Variants in USP29 observed in about 807,000 individuals in gnomAD.
The protein encoded by USP29 is ubiquitin carboxyl-terminal hydrolase 29.
For missense variants in USP29, 1,102 were observed against 1,069.0 expected (o/e 1.03, Z -0.43); for synonymous variants, 386 against 387.4 (o/e 1.00, Z 0.04).
chr19:57,125,944 G>A lies in USP29; in HGVS notation c.-17+1805G>A, dbSNP rs140934386. Among the ~76,000 whole-genome samples the A allele has an allele frequency of 8.3e-3, 1,263 of 152,260 alleles. 10 individuals carry two copies. Among genetic ancestry groups the A allele is most frequent in the African/African-American group, 0.029 (1,210 of 41,560 alleles). Reference sequence around the variant, plus strand: ...TTTAGTGCTTCCTCCAGGAGCTCTTGTAAGGTAGGCCTGGTGGTGACAAAA... The same window carrying A: ...TTTAGTGCTTCCTCCAGGAGCTCTTATAAGGTAGGCCTGGTGGTGACAAAA... On this transcript the variant is annotated intron_variant, in intron 3 of 3. Transcript: ENST00000254181.
chr19:57,121,452 T>C (rs2086795910), intron 1 of USP29, among the ~76,000 whole-genome samples: 1 of 145,478 alleles, frequency 6.9e-6, no homozygotes, highest in Non-Finnish European at 1.5e-5. Context: ...TTATATATGT[T>C]ATATATACTT....
Position 57,131,393 on chromosome 19 carries a change from G to A in USP29, c.2718G>A (p.Gly906=). 1 of 1,614,066 alleles carries A rather than the reference G, an allele frequency of 6.2e-7. No individual in the cohort carries two copies. Among genetic ancestry groups the A allele is most frequent in the Non-Finnish European group, 8.5e-7 (1 of 1,180,010 alleles). Residue 906 remains glycine, a synonymous_variant, in exon 4 of 4, where the codon GGG becomes GGA. Transcript: ENST00000254181. ...CTCGGCTACCTAGCACACAGGCAGGGGTGATCCCTCAGGGGGAATACGAAG... is the reference window on the plus strand; with the variant it reads ...CTCGGCTACCTAGCACACAGGCAGGAGTGATCCCTCAGGGGGAATACGAAG... The part of the protein sequence containing the change: ...ENSRLPSTQA[G]VIPQGEYEGD...
Position 57,131,357 on chromosome 19 carries a change from AG to A in USP29, c.2683del (p.Ala895GlnfsTer13), listed in dbSNP as rs1287637116. 5 of 1,614,090 alleles carry A rather than the reference AG, an allele frequency of 3.1e-6. No homozygotes were observed. Among genetic ancestry groups the A allele is most frequent in the Non-Finnish European group, 4.2e-6 (5 of 1,180,052 alleles). On this transcript the variant is annotated frameshift_variant, in exon 4 of 4. Coordinates refer to ENST00000254181, the MANE Select transcript of USP29 (RefSeq NM_020903.3). LOFTEE classifies it low-confidence loss of function (END_TRUNC). ...NGIFEELLRK[A>X]ENSRLPSTQA... is the part of the protein sequence containing the mutation. ...GGATTTTTGAGGAGCTGTTAAGAAA[AG>A]CAGAGAACTCTCGGCTACCTAGCAC...
intron 3 of USP29, among the ~76,000 whole-genome samples, chr19:57,126,565 TG>T (rs1399751153): frequency 6.6e-6 from 1 of 151,986 alleles, no homozygotes; most frequent in Non-Finnish European, 1.5e-5. Context: ...TTGATACTTG[TG>T]TATGCTTCAC....
chr19:57,131,775 T>A lies in USP29; in HGVS notation c.*331T>A. 4.0e-6 allele frequency: 1 copy of A among 251,792 alleles called. No individual in the cohort carries two copies. The highest frequency in any genetic ancestry group is 8.1e-6 in the Non-Finnish European group (1 of 123,204). 15.6% of individuals were successfully genotyped at this position (251,792 alleles called of 1,614,324 possible). A position where few individuals can be genotyped will look rare whatever the true frequency, so the allele number is the denominator to read the frequency against. ...TTCTTGGGTCACTCTCTAGACCAAC[T>A]GATGCAGAAACAGGAGGTGTGAGCC... On this transcript the variant is annotated 3_prime_UTR_variant, in exon 4 of 4. Transcript: ENST00000254181.
Position 57,130,616 on chromosome 19 carries a change from G to A in USP29, c.1941G>A (p.Val647=), listed in dbSNP as rs780137813. 1.2e-5 allele frequency: 20 copies of A among 1,614,024 alleles called. No homozygotes were observed. Among genetic ancestry groups the A allele is most frequent in the Non-Finnish European group, 1.5e-5 (18 of 1,180,034 alleles). Reference sequence around the variant, plus strand: ...CAATCGGTGAAAAGGAGCTTCCAGTGGCTGACTCACTGATGGACCAGGGAG... The same window carrying A: ...CAATCGGTGAAAAGGAGCTTCCAGTAGCTGACTCACTGATGGACCAGGGAG... ...DRAIGEKELP[V]ADSLMDQGDI... The change falls in exon 4 of 4, where the codon GTG becomes GTA. Residue 647 remains valine (V), a synonymous_variant. Transcript: ENST00000254181.
intron 2 of USP29, 30 bp from the exon 3 acceptor site, chr19:57,124,009 C>T (rs149141058): frequency 6.6e-6 from 1 of 152,350 alleles, no homozygotes; most frequent in Non-Finnish European, 1.5e-5. Flanking sequence ...ACCTCAGTTT[C>T]AGGACTCTGA....
rs374765395 is a variant in USP29, at chr19:57,124,650, AG to A, written c.-17+513del. ...CAGCCTCCCCAGTATCTGGCACTAT[AG>A]GTGCCTGCCACCATGCCCGGCTAAT... On this transcript the variant is annotated intron_variant, in intron 3 of 3. Coordinates refer to ENST00000254181, the MANE Select transcript of USP29 (RefSeq NM_020903.3). Among the ~76,000 whole-genome samples the A allele has an allele frequency of 1.5e-3, 231 of 151,894 alleles. 1 individual carries two copies. The highest frequency in any genetic ancestry group is 5.2e-3 in the African/African-American group (214 of 41,466).
chr19:57,131,207 T>C lies in USP29; in HGVS notation c.2532T>C (p.Asp844=), dbSNP rs61757571. The C allele has an allele frequency of 7.0e-3, 11,228 of 1,614,200 alleles. 61 individuals carry two copies. Among genetic ancestry groups the C allele is most frequent in the Non-Finnish European group, 7.6e-3 (8,988 of 1,180,034 alleles). Residue 844 remains aspartate, a synonymous_variant, in exon 4 of 4, where the codon GAT becomes GAC. Transcript: ENST00000254181. ...SSPNSGHYIS[D]VYDFQKQAWF... ...CAAATTCAGGCCATTACATCAGCGATGTGTATGACTTTCAGAAGCAGGCCT... is the reference window on the plus strand; with the variant it reads ...CAAATTCAGGCCATTACATCAGCGACGTGTATGACTTTCAGAAGCAGGCCT...
chr19:57,120,803 A>AAAAAAAAAAAAAAAAAAAAG (rs2086791126), intron 1 of USP29, among the ~76,000 whole-genome samples: 4 of 148,266 alleles, frequency 2.7e-5, no homozygotes, highest in Non-Finnish European at 4.5e-5. Flanking sequence ...AAAAAAAAAA[A>AAAAAAAAAAAAAAAAAAAAG]AAAAAAAAAA....
rs1276941776 is a variant in USP29 at position 57,129,032 on chromosome 19, G to A, written c.357G>A (p.Val119=). 1.9e-6 allele frequency: 3 copies of A among 1,613,758 alleles called. No individual in the cohort carries two copies. In the African/African-American group the frequency reaches 4.0e-5, roughly 22 times the overall value. Residue 119 remains valine (V), a synonymous_variant, in exon 4 of 4, where the codon GTG becomes GTA. Coordinates refer to ENST00000254181, the MANE Select transcript of USP29 (RefSeq NM_020903.3). ...TGAAATCTGATGATGATTGGAGTGT[G>A]TTTGAAAGCAGGAATATGCTGAAGG... ...QPMKSDDDWS[V]FESRNMLKEI...
Position 57,129,188 on chromosome 19 carries a change from C to G in USP29, c.513C>G (p.Asn171Lys). Residue 171 changes from asparagine to lysine, a missense_variant, in exon 4 of 4, where the codon AAC becomes AAG. Transcript: ENST00000254181. The part of the protein sequence containing the change: ...ILENQGGKGQ[N>K]TLSSDVQTNE... ...AAAATCAAGGTGGGAAGGGGCAAAA[C>G]ACACTATCATCTGATGTACAGACAA... 2 of 1,613,476 alleles carry G rather than the reference C, an allele frequency of 1.2e-6. No homozygotes were observed. Among genetic ancestry groups the G allele is most frequent in the Non-Finnish European group, 1.7e-6 (2 of 1,179,686 alleles).
chr19:57,128,992 A>T lies in USP29; in HGVS notation c.317A>T (p.Lys106Ile), dbSNP rs750475713. Residue 106 changes from lysine (K) to isoleucine (I), a missense_variant, in exon 4 of 4, where the codon AAA becomes ATA. Coordinates refer to ENST00000254181, the MANE Select transcript of USP29 (RefSeq NM_020903.3). ...NMFLDIIHQN[K>I]SQQPMKSDDD... ...TTCCTGGACATAATCCACCAAAACA[A>T]ATCTCAGCAACCCATGAAATCTGAT... 6.2e-7 allele frequency: 1 copy of T among 1,614,044 alleles called. No homozygotes were observed. Among genetic ancestry groups the T allele is most frequent in the Non-Finnish European group, 8.5e-7 (1 of 1,180,030 alleles).
chr19:57,130,908 G>T lies in USP29; in HGVS notation c.2233G>T (p.Glu745Ter), dbSNP rs1203999840. The change falls in exon 4 of 4, where the codon GAA becomes TAA. Residue 745 changes from glutamate to a stop codon, truncating the protein, a stop_gained. Transcript: ENST00000254181. LOFTEE classifies it low-confidence loss of function (END_TRUNC). Reference protein sequence around the residue: ...QQCIEESIIDEFLQQAPPPGV... With the variant: ...QQCIEESIID ...GTGTATTGAGGAGAGCATCATAGAT[G>T]AATTTCTTCAGCAGGCACCACCTCC... 6.2e-7 allele frequency: 1 copy of T among 1,614,154 alleles called. No homozygotes were observed. The highest frequency in any genetic ancestry group is 2.2e-5 in the East Asian group (1 of 44,872).
At chr19:57,125,432 A>G (rs1227358102) in intron 3 of USP29, among the ~76,000 whole-genome samples, 2 of 152,098 alleles carry the variant, frequency 1.3e-5, no homozygotes, top group Admixed American at 1.3e-4. Context: ...AACTTGCTTT[A>G]TGAATCTGGA....
chr19:57,130,160 T>C lies in USP29; in HGVS notation c.1485T>C (p.Val495=). ...NCQMCKQKSC[V]ARHTFSRLSR... ...AGATGTGTAAGCAGAAGAGTTGTGT[T>C]GCAAGGCATACATTTAGTAGGCTCT... Residue 495 remains valine (V), a synonymous_variant, in exon 4 of 4, where the codon GTT becomes GTC. Coordinates refer to ENST00000254181, the MANE Select transcript of USP29 (RefSeq NM_020903.3). 6.2e-7 allele frequency: 1 copy of C among 1,614,104 alleles called. No individual in the cohort carries two copies. The highest frequency in any genetic ancestry group is 1.3e-5 in the African/African-American group (1 of 75,062).
chr19:57,129,031 T>C lies in USP29; in HGVS notation c.356T>C (p.Val119Ala). Residue 119 changes from valine (V) to alanine (A), a missense_variant, in exon 4 of 4, where the codon GTG (valine) becomes GCG (alanine). Transcript: ENST00000254181. ...ATGAAATCTGATGATGATTGGAGTG[T>C]GTTTGAAAGCAGGAATATGCTGAAG... is the stretch of plus-strand genomic sequence containing the variant. ...QPMKSDDDWS[V>A]FESRNMLKEI... The C allele has an allele frequency of 6.2e-7, 1 of 1,613,990 alleles. No homozygotes were observed. Among genetic ancestry groups the C allele is most frequent in the African/African-American group, 1.3e-5 (1 of 75,062 alleles).
In USP29 at chr19:57,129,618, A is replaced by C; in HGVS notation, c.943A>C (p.Thr315Pro). Residue 315 changes from threonine to proline, a missense_variant, in exon 4 of 4, where the codon ACT (threonine) becomes CCT (proline). Physicochemically the swap from Thr to Pro is conservative, Grantham distance 38. Transcript: ENST00000254181. The part of the protein sequence containing the change: ...AIPSFADDLL[T>P]QGVPWEYIPF... ...TCCATCTTTTGCTGATGACTTACTC[A>C]CTCAAGGTGTCCCATGGGAATATAT... The C allele has an allele frequency of 6.2e-7, 1 of 1,614,112 alleles. No homozygotes were observed. The highest frequency in any genetic ancestry group is 8.5e-7 in the Non-Finnish European group (1 of 1,180,036).
Position 57,127,385 on chromosome 19 carries a change from C to T in USP29, c.-16-1275C>T, listed in dbSNP as rs191215479. Among the ~76,000 whole-genome samples the T allele has an allele frequency of 3.1e-4, 47 of 152,340 alleles. No individual in the cohort carries two copies. In the East Asian group the frequency reaches 6.7e-3, roughly 22 times the overall value. On this transcript the variant is annotated intron_variant, in intron 3 of 3. Coordinates refer to ENST00000254181, the MANE Select transcript of USP29 (RefSeq NM_020903.3). ...TCTGCTGAAGCTGTGTGCCCACAGCCACCCCTTCCCCCAGGTGCTCTGTCC... is the reference window on the plus strand; with the variant it reads ...TCTGCTGAAGCTGTGTGCCCACAGCTACCCCTTCCCCCAGGTGCTCTGTCC...
Sources: allele counts gnomAD v4.1 joint callset (sites outside exome capture counted in the v4.1 genomes callset), GRCh38; gene constraint gnomAD v4.1.1; transcripts MANE v1.5; gene names NCBI Gene and HGNC (gene_info 2026-07-23, HGNC 2026-07-21).